Variants in DNASE1 observed in about 807,000 individuals in gnomAD.
The protein encoded by DNASE1 is deoxyribonuclease-1.
A neutral mutation model predicts 33.9 loss-of-function variants in DNASE1; 40 were observed. That is an observed-to-expected ratio of 1.18 (90% CI 0.92 to 1.54). The LOEUF (loss-of-function observed/expected upper bound fraction) is 1.54. Ranked by LOEUF, DNASE1 falls within the 40% of genes most tolerant of loss-of-function variation. DNASE1 has a pLI of 0.00. For synonymous variants in DNASE1, 216 were observed against 160.0 expected, an observed-to-expected ratio of 1.35 and a Z score of -2.64; for missense variants, 518 against 372.6, an observed-to-expected ratio of 1.39 and a Z score of -3.21.
chr16:3,622,503 G>T (rs1371738733), intron 1 of DNASE1, among the ~76,000 whole-genome samples: 1 of 152,104 alleles, frequency 6.6e-6, no homozygotes, highest in African/African-American at 2.4e-5. Context: ...TGGTTTGTAA[G>T]ATTATGTGAT....
At chr16:3,656,057 C>G (rs371093698) in intron 3 of DNASE1, 45 bp from the exon 4 acceptor site, 1 of 1,611,582 alleles carries the variant, frequency 6.2e-7, no homozygotes, top group Non-Finnish European at 8.5e-7. Flanking sequence ...CCAGAGGGGT[C>G]CCCTATGGCC....
intron 1 of DNASE1, among the ~76,000 whole-genome samples, chr16:3,637,331 G>A (rs879431022): frequency 4.6e-5 from 7 of 152,068 alleles, no homozygotes; most frequent in East Asian, 1.9e-4. Context: ...AGGTTTTTCC[G>A]TTCTATTCTC....
chr16:3,661,655 G>A (rs7200737), downstream of DNASE1: 95,002 of 271,110 alleles, frequency 0.35, 20,244 homozygotes, highest in African/African-American at 0.66. Flanking sequence ...TGAGACTTCA[G>A]CAAACACCAA....
At chr16:3,662,250 C>CT, downstream of DNASE1, 1 of 1,247,914 alleles carries the variant, frequency 8.0e-7, no homozygotes, top group South Asian at 1.5e-5. Flanking sequence ...GTCTCAAGGA[C>CT]TCCCCTGGAC....
chr16:3,659,749 T>TTAGATAGATAGA (rs3068078), downstream of DNASE1: 39 of 140,356 alleles, frequency 2.8e-4, no homozygotes, highest in Admixed American at 9.4e-4. Context: ...ACTTTTTTTT[T>TTAGATAGATAGA]TAGATAGATA....
chr16:3,639,014 C>T (rs530768052), upstream of DNASE1, among the ~76,000 whole-genome samples: 6 of 152,176 alleles, frequency 3.9e-5, no homozygotes, highest in South Asian at 6.2e-4. Context: ...AAATATATGC[C>T]GAACTATTGT....
chr16:3,612,007 G>C (rs2040894006), intron 1 of DNASE1: 1 of 152,324 alleles, frequency 6.6e-6, no homozygotes, highest in African/African-American at 2.4e-5. Context: ...TTCCTCTCAG[G>C]TGGGGTGGCG....
intron 1 of DNASE1, among the ~76,000 whole-genome samples, chr16:3,647,508 T>C (rs1453550644): frequency 6.6e-6 from 1 of 152,132 alleles, no homozygotes; most frequent in East Asian, 1.9e-4. Flanking sequence ...TTCTAAGCTC[T>C]AGCAGTCCTC....
chr16:3,623,257 A>G (rs996088886), intron 1 of DNASE1, among the ~76,000 whole-genome samples: 1 of 152,046 alleles, frequency 6.6e-6, no homozygotes. Flanking sequence ...ACGCTATTCA[A>G]TAAATAGCGC....
chr16:3,619,551 CAG>C (rs2041230787), intron 1 of DNASE1, among the ~76,000 whole-genome samples: 1 of 149,802 alleles, frequency 6.7e-6, no homozygotes. Context: ...TTAGTAGAGA[CAG>C]GGTTTCACCG....
chr16:3,646,220 G>C lies in DNASE1; in HGVS notation c.-86+3184G>C, dbSNP rs758124286. 2.9e-4 allele frequency among the ~76,000 whole-genome samples: 44 copies of C among 152,260 alleles called. 1 individual carries two copies. Among genetic ancestry groups the C allele is most frequent in the Middle Eastern group, 3.4e-3 (1 of 294 alleles). On this transcript the variant is annotated intron_variant, in intron 1 of 9. Coordinates refer to the DNASE1 transcript ENST00000407479. ...GGTTCTCAAGGTTTTTCTCTGGGGG[G>C]GGTCTGCGGGGAACCTGGAGCTGCT...
Position 3,657,731 on chromosome 16 carries a change from C to T in DNASE1, c.716C>T (p.Ala239Val). ...THCAYDRIVV[A>V]GMLLRGAVVP... ...CCAACACCCATCAGGATCGTGGTTGCAGGGATGCTGCTCCGAGGCGCCGTT... is the reference window on the plus strand; with the variant it reads ...CCAACACCCATCAGGATCGTGGTTGTAGGGATGCTGCTCCGAGGCGCCGTT... Residue 239 changes from alanine (A) to valine (V), a missense_variant, in exon 8 of 9, where the codon GCA (alanine) becomes GTA (valine). Physicochemically the swap from Ala to Val is moderately conservative, Grantham distance 64 (BLOSUM62 0). Transcript: ENST00000246949. 1 of 1,613,958 alleles carries T rather than the reference C, an allele frequency of 6.2e-7. No homozygotes were observed. The highest frequency in any genetic ancestry group is 8.5e-7 in the Non-Finnish European group (1 of 1,179,982).
exon 10 of DNASE1, chr16:3,664,227 C>T: frequency 6.7e-7 from 1 of 1,489,858 alleles, no homozygotes; most frequent in East Asian, 2.4e-5. Flanking sequence ...TCAAGACCCT[C>T]CCCAGGTTGC....
intron 1 of DNASE1, among the ~76,000 whole-genome samples, chr16:3,623,539 C>T (rs370145854): frequency 1.3e-5 from 2 of 152,248 alleles, no homozygotes; most frequent in African/African-American, 4.8e-5. Context: ...AGTAAATAGA[C>T]AACCTATAGA....
chr16:3,617,314 G>A (rs555545722), intron 1 of DNASE1, among the ~76,000 whole-genome samples: 10 of 82,304 alleles, frequency 1.2e-4, no homozygotes, highest in South Asian at 4.5e-4. Context: ...CAACAAGAGC[G>A]AAACTCCATC....
At position 3,663,344 on chromosome 16, in the gene DNASE1, A is replaced by G. The variant is rs531652310; in HGVS notation, c.*5391A>G. The G allele has an allele frequency of 4.5e-6, 7 of 1,568,468 alleles. No individual in the cohort carries two copies. In the Admixed American group the frequency reaches 1.3e-4, roughly 28 times the overall value. On this transcript the variant is annotated 3_prime_UTR_variant, in exon 10 of 10. Transcript: ENST00000407479. ...CCCAGGTCAACTGACGAAAACCCAA[A>G]GGAAGCCCTCGCTGCGGGGCAGGAG...
At chr16:3,640,489 C>G (rs2042000237), upstream of DNASE1, among the ~76,000 whole-genome samples, 1 of 152,234 alleles carries the variant, frequency 6.6e-6, no homozygotes, top group Non-Finnish European at 1.5e-5. Context: ...GCTCTCTTGT[C>G]TCCCTTATCT....
At chr16:3,663,042 G>A, downstream of DNASE1, 1 of 1,203,244 alleles carries the variant, frequency 8.3e-7, no homozygotes. Flanking sequence ...CACGCAGCAT[G>A]CTTCCAGCTC....
intron 3 of DNASE1, 64 bp from the exon 4 acceptor site, chr16:3,656,038 T>C: frequency 1.2e-6 from 2 of 1,611,470 alleles, no homozygotes; most frequent in Non-Finnish European, 1.7e-6. Context: ...ACAGCCTCGC[T>C]ATCGGCAGCC....
Sources: allele counts gnomAD v4.1 joint callset (sites outside exome capture counted in the v4.1 genomes callset), GRCh38; gene constraint gnomAD v4.1.1; transcripts MANE v1.5; gene names NCBI Gene and HGNC (gene_info 2026-07-23, HGNC 2026-07-21).